Variants in NRXN3 observed in about 807,000 individuals in gnomAD.
NRXN3 encodes neurexin 3, also known as neurexin III.
NRXN3 carries 32 observed loss-of-function variants against 137.6 expected under a neutral mutation model. That is an observed-to-expected ratio of 0.23 (90% CI 0.18 to 0.31). The LOEUF is 0.31. Ranked by LOEUF, NRXN3 falls within the 10% of genes least tolerant of loss-of-function variation. The probability of loss-of-function intolerance (pLI) is 1.00; values close to 1 mark genes in which losing one functional copy is unlikely to be tolerated. For missense variants in NRXN3, 1,574 were observed against 2,062.5 expected, an observed-to-expected ratio of 0.76 and a Z score of 4.59; for synonymous variants, 798 against 784.5, an observed-to-expected ratio of 1.02 and a Z score of -0.29.
intron 4 of NRXN3, among the ~76,000 whole-genome samples, chr14:78,332,911 T>C (rs544393579): frequency 6.6e-6 from 1 of 152,348 alleles, no homozygotes; most frequent in Admixed American, 6.5e-5. Context: ...AACCTACTTG[T>C]AAGGCCAGCC....
chr14:79,555,437 T>A (rs2097419945), intron 16 of NRXN3, among the ~76,000 whole-genome samples: 1 of 152,132 alleles, frequency 6.6e-6, no homozygotes, highest in Non-Finnish European at 1.5e-5. Flanking sequence ...AGGCAATGTA[T>A]GAGATGCCGG....
chr14:79,486,827 C>A (rs1431498635), intron 16 of NRXN3, among the ~76,000 whole-genome samples: 1 of 151,878 alleles, frequency 6.6e-6, no homozygotes, highest in East Asian at 1.9e-4. Context: ...GAATCAATTT[C>A]CAATCGGTGG....
intron 4 of NRXN3, among the ~76,000 whole-genome samples, chr14:78,450,411 A>G (rs1300765692): frequency 6.6e-6 from 1 of 152,098 alleles, no homozygotes; most frequent in Non-Finnish European, 1.5e-5. Context: ...GTTAAATGGG[A>G]TGGAGGCTGG....
At chr14:79,416,516 C>T (rs1429353253) in intron 15 of NRXN3, among the ~76,000 whole-genome samples, 2 of 152,056 alleles carry the variant, frequency 1.3e-5, no homozygotes, top group African/African-American at 4.8e-5. Flanking sequence ...TGGCAGATGA[C>T]ATTTTCCTGA....
At chr14:79,207,325 A>T (rs1257804920) in intron 15 of NRXN3, among the ~76,000 whole-genome samples, 1 of 152,208 alleles carries the variant, frequency 6.6e-6, no homozygotes, top group Non-Finnish European at 1.5e-5. Context: ...CCCCAAGCGA[A>T]CATGACACTT....
intron 10 of NRXN3, among the ~76,000 whole-genome samples, chr14:78,881,166 A>G (rs1235884911): frequency 6.6e-6 from 1 of 151,694 alleles, no homozygotes; most frequent in Admixed American, 6.5e-5. Flanking sequence ...TGAAACTGTA[A>G]GTCAGTTAAA....
chr14:79,291,076 T>G (rs939016164), intron 15 of NRXN3, among the ~76,000 whole-genome samples: 1 of 152,186 alleles, frequency 6.6e-6, no homozygotes, highest in Non-Finnish European at 1.5e-5. Flanking sequence ...TATTGTTTAT[T>G]TTTTCCAGGA....
At chr14:79,799,905 C>T (rs2099171987) in intron 19 of NRXN3, among the ~76,000 whole-genome samples, 2 of 152,112 alleles carry the variant, frequency 1.3e-5, no homozygotes, top group Admixed American at 6.5e-5. Flanking sequence ...ATAGCTTTAT[C>T]CCTTATAACT....
intron 4 of NRXN3, among the ~76,000 whole-genome samples, chr14:78,489,654 T>G (rs1010018282): frequency 2.6e-5 from 4 of 152,148 alleles, no homozygotes; most frequent in Non-Finnish European, 5.9e-5. Flanking sequence ...AAATCTATTT[T>G]CTTCCCCTTC....
chr14:79,623,849 GTTTTTT>G (rs571687023), intron 16 of NRXN3, among the ~76,000 whole-genome samples: 2 of 98,026 alleles, frequency 2.0e-5, no homozygotes, highest in East Asian at 3.1e-4. Flanking sequence ...CTTAGCTCCT[GTTTTTT>G]TTTTTTTTTT....
intron 1 of NRXN3, among the ~76,000 whole-genome samples, chr14:78,224,960 GT>G (rs35058438): frequency 0.41 from 61,621 of 150,772 alleles, 12,730 homozygotes; most frequent in African/African-American, 0.47. Flanking sequence ...TAGAGACGGG[GT>G]TTCACCTTGT....
chr14:79,175,175 T>C (rs1195944306), intron 15 of NRXN3, among the ~76,000 whole-genome samples: 1 of 152,050 alleles, frequency 6.6e-6, no homozygotes, highest in Non-Finnish European at 1.5e-5. Flanking sequence ...AGAGACAGGG[T>C]TTCACTGTGT....
chr14:79,680,458 T>TGA (rs1384230932), intron 17 of NRXN3, among the ~76,000 whole-genome samples: 1 of 151,754 alleles, frequency 6.6e-6, no homozygotes, highest in African/African-American at 2.4e-5. Context: ...TGTGTGTGTG[T>TGA]GTATGTGTGT....
chr14:79,780,643 T>G (rs1414115306), intron 19 of NRXN3, among the ~76,000 whole-genome samples: 1 of 152,128 alleles, frequency 6.6e-6, no homozygotes, highest in African/African-American at 2.4e-5. Flanking sequence ...ACCTTGAATA[T>G]TGAGATGGGT....
intron 15 of NRXN3, among the ~76,000 whole-genome samples, chr14:79,087,825 C>A (rs1207740251): frequency 1.3e-5 from 2 of 152,146 alleles, no homozygotes; most frequent in Non-Finnish European, 2.9e-5. Flanking sequence ...GCTAAAAAAT[C>A]TTTTATGTTT....
At chr14:79,736,552 G>A (rs545495849) in intron 19 of NRXN3, among the ~76,000 whole-genome samples, 1 of 151,180 alleles carries the variant, frequency 6.6e-6, no homozygotes, top group East Asian at 2.0e-4. Context: ...GGGGTGATCA[G>A]ATCCAACACC....
At chr14:78,911,761 A>C (rs1307413190) in intron 10 of NRXN3, among the ~76,000 whole-genome samples, 2 of 152,178 alleles carry the variant, frequency 1.3e-5, no homozygotes, top group African/African-American at 2.4e-5. Flanking sequence ...ATGATACACA[A>C]GTAAGAATAA....
intron 15 of NRXN3, among the ~76,000 whole-genome samples, chr14:79,011,461 A>G (rs2099571220): frequency 6.7e-6 from 1 of 149,494 alleles, no homozygotes; most frequent in Non-Finnish European, 1.5e-5. Flanking sequence ...TTCAAGACTG[A>G]TTAAGAGGAC....
chr14:78,476,958 G>A (rs2095390715), intron 4 of NRXN3, among the ~76,000 whole-genome samples: 1 of 152,112 alleles, frequency 6.6e-6, no homozygotes, highest in Admixed American at 6.6e-5. Context: ...TAGTTTCCAT[G>A]CAATCTGAGC....
Sources: gnomAD v4.1 joint callset for allele counts (sites outside exome capture counted in the v4.1 genomes callset) on GRCh38, gnomAD v4.1.1 for gene constraint, MANE v1.5 for transcripts, NCBI Gene and HGNC (gene_info 2026-07-23, HGNC 2026-07-21) for gene names.